DNAH7: variants seen among roughly 807,000 people sequenced by gnomAD.
DNAH7 encodes the protein dynein axonemal heavy chain 7.
A neutral mutation model predicts 444.6 loss-of-function variants in DNAH7; 397 were observed. The ratio of observed to expected loss-of-function variants is 0.89; its 90% CI spans 0.82 to 0.97. The LOEUF (loss-of-function observed/expected upper bound fraction) is 0.97. Among genes scored for constraint, DNAH7 ranks in the 50% least tolerant of loss-of-function variants. The pLI is 0.00. For synonymous variants in DNAH7, 1,636 were observed against 1,624.4 expected, an observed-to-expected ratio of 1.01 and a Z score of -0.17; for missense variants, 4,902 against 4,800.8, an observed-to-expected ratio of 1.02 and a Z score of -0.62.
chr2:195,852,358 G>A (rs931991241), intron 46 of DNAH7, among the ~76,000 whole-genome samples: 3 of 151,938 alleles, frequency 2.0e-5, no homozygotes, highest in Non-Finnish European at 4.4e-5. Flanking sequence ...TTGAGACCAC[G>A]TGTAAGCCAA....
At chr2:195,809,042 G>A (rs1272859609) in intron 52 of DNAH7, among the ~76,000 whole-genome samples, 166 bp from the exon 53 acceptor site, 1 of 152,166 alleles carries the variant, frequency 6.6e-6, no homozygotes, top group African/African-American at 2.4e-5. Flanking sequence ...TAGGAAACCA[G>A]TATACTCATG....
intron 61 of DNAH7, among the ~76,000 whole-genome samples, chr2:195,762,042 G>T (rs1694373028): frequency 6.6e-6 from 1 of 152,052 alleles, no homozygotes; most frequent in Admixed American, 6.6e-5. Flanking sequence ...TCAAGACAGA[G>T]ACAGTATAAT....
intron 16 of DNAH7, among the ~76,000 whole-genome samples, chr2:195,971,807 A>C (rs1254837032): frequency 6.6e-6 from 1 of 152,148 alleles, no homozygotes; most frequent in Non-Finnish European, 1.5e-5. Context: ...ACTGAATGTT[A>C]GAGTGACGAT....
chr2:196,056,419 GAAA>G (rs57708138), intron 2 of DNAH7, among the ~76,000 whole-genome samples: 4 of 115,326 alleles, frequency 3.5e-5, no homozygotes, highest in Admixed American at 1.8e-4. Context: ...CACTCTGTCT[GAAA>G]AAAAAAAAAA....
intron 5 of DNAH7, among the ~76,000 whole-genome samples, chr2:196,045,075 G>A (rs1204565639): frequency 6.6e-6 from 1 of 151,360 alleles, no homozygotes; most frequent in East Asian, 1.9e-4. Context: ...TCAAAAAAGA[G>A]AGGGAGAGAA....
intron 61 of DNAH7, among the ~76,000 whole-genome samples, chr2:195,767,922 T>C (rs548396919): frequency 2.6e-5 from 4 of 151,820 alleles, no homozygotes; most frequent in Non-Finnish European, 5.9e-5. Flanking sequence ...GAAATCTGTG[T>C]CAGAATAGAT....
intron 46 of DNAH7, among the ~76,000 whole-genome samples, chr2:195,851,494 G>A (rs187432945): frequency 6.8e-4 from 104 of 152,332 alleles, no homozygotes; most frequent in African/African-American, 2.2e-3. Flanking sequence ...TAAGTTGAAT[G>A]TGGCTTTGTG....
At chr2:195,968,607 A>T (rs1691642172) in intron 17 of DNAH7, among the ~76,000 whole-genome samples, 1 of 152,102 alleles carries the variant, frequency 6.6e-6, no homozygotes, top group African/African-American at 2.4e-5. Context: ...TGGCATAAGC[A>T]CTTCCTCAGC....
At chr2:195,971,316 G>C (rs1419250837) in intron 16 of DNAH7, among the ~76,000 whole-genome samples, 1 of 152,174 alleles carries the variant, frequency 6.6e-6, no homozygotes, top group African/African-American at 2.4e-5. Context: ...TAATACAGTA[G>C]CTATGGAATG....
intron 60 of DNAH7, among the ~76,000 whole-genome samples, chr2:195,774,760 C>T (rs1470605540): frequency 6.6e-6 from 1 of 152,218 alleles, no homozygotes; most frequent in African/African-American, 2.4e-5. Context: ...CATAATAGCA[C>T]TTGGAACAGC....
intron 60 of DNAH7, among the ~76,000 whole-genome samples, chr2:195,773,447 T>C (rs1447047495): frequency 2.7e-5 from 4 of 148,138 alleles, no homozygotes; most frequent in East Asian, 2.0e-4. Flanking sequence ...TCCAGGTCTA[T>C]GGTTCTTCAA....
intron 10 of DNAH7, among the ~76,000 whole-genome samples, chr2:196,009,207 T>G (rs1694574323): frequency 6.6e-6 from 1 of 152,044 alleles, no homozygotes; most frequent in South Asian, 2.1e-4. Context: ...AATATGAGAT[T>G]TGGAGGGGAC....
Position 195,834,262 on chromosome 2 carries a change from A to C in DNAH7, c.9044T>G (p.Leu3015Arg), listed in dbSNP as rs369237104. The change falls in exon 48 of 65, where the codon CTT (leucine) becomes CGT (arginine). Residue 3015 changes from leucine to arginine, a missense_variant. Coordinates refer to ENST00000312428, the MANE Select transcript of DNAH7 (RefSeq NM_018897.3). ...EKANSLYVIK[L>R]SEPDYVRTLE... is the part of the protein sequence containing the mutation. ...AGTCCTGACATAGTCAGGTTCACTAAGTTTAATCACATAAAGACTATTGGC... is the reference window on the plus strand; with the variant it reads ...AGTCCTGACATAGTCAGGTTCACTACGTTTAATCACATAAAGACTATTGGC... 4.3e-5 allele frequency: 69 copies of C among 1,608,972 alleles called. No individual in the cohort carries two copies. The highest frequency in any genetic ancestry group is 5.9e-5 in the Non-Finnish European group (69 of 1,176,056).
chr2:195,939,909 G>T (rs905885495), intron 19 of DNAH7, among the ~76,000 whole-genome samples: 11 of 152,116 alleles, frequency 7.2e-5, no homozygotes, highest in African/African-American at 2.7e-4. Context: ...CATGCTCATG[G>T]ATAGGAAGGA....
Position 195,809,759 on chromosome 2 carries a change from G to T in DNAH7, c.9874C>A (p.Leu3292Met). 1.3e-6 allele frequency: 2 copies of T among 1,592,760 alleles called. No individual in the cohort carries two copies. Residue 3292 changes from leucine to methionine, a missense_variant, in exon 52 of 65, where the codon CTG (leucine) becomes ATG (methionine). Physicochemically the swap from Leu to Met is conservative, Grantham distance 15 (BLOSUM62 2). Coordinates refer to ENST00000312428, the MANE Select transcript of DNAH7 (RefSeq NM_018897.3). ...ACAGTACTGACCGCCCGCTCATGCA[G>T]CAGTAGATTTATGGTTAGACAAAAG... is the stretch of plus-strand genomic sequence containing the variant. ...FSFCLTINLL[L>M]HERAINKAEW...
intron 57 of DNAH7, among the ~76,000 whole-genome samples, chr2:195,792,033 G>A (rs2105983805): frequency 6.6e-6 from 1 of 152,034 alleles, no homozygotes; most frequent in Non-Finnish European, 1.5e-5. Flanking sequence ...CAGGTGTGGT[G>A]GTGTGCACGT....
intron 15 of DNAH7, among the ~76,000 whole-genome samples, chr2:195,984,001 T>G (rs924249510): frequency 3.3e-5 from 5 of 152,202 alleles, no homozygotes; most frequent in Non-Finnish European, 7.3e-5. Context: ...CTCTCCAGTA[T>G]CCATGCCCTG....
intron 24 of DNAH7, among the ~76,000 whole-genome samples, chr2:195,910,842 G>A (rs1169365597): frequency 6.6e-6 from 1 of 152,150 alleles, no homozygotes; most frequent in African/African-American, 2.4e-5. Flanking sequence ...AAGAGACAAA[G>A]AAGCCTATCC....
chr2:196,018,207 A>G (rs533196522), intron 9 of DNAH7, among the ~76,000 whole-genome samples: 17 of 152,284 alleles, frequency 1.1e-4, no homozygotes, highest in African/African-American at 3.6e-4. Flanking sequence ...ATTCCCTAGT[A>G]GTCTAGCAAA....
Sources: gnomAD v4.1 joint callset for allele counts (sites outside exome capture counted in the v4.1 genomes callset) on GRCh38, gnomAD v4.1.1 for gene constraint, MANE v1.5 for transcripts, NCBI Gene and HGNC (gene_info 2026-07-23, HGNC 2026-07-21) for gene names.